The following TLDC2 variants were observed in gnomAD, a reference collection of about 807,000 sequenced individuals.
TLDC2 encodes TLD domain-containing protein 2.
TLDC2 carries 23 observed loss-of-function variants against 27.9 expected under a neutral mutation model. The observed-to-expected ratio is 0.82, with a 90% confidence interval of 0.59 to 1.17. The LOEUF is 1.17. TLDC2 is among the 50% of genes most tolerant of loss of function. The pLI, the probability that TLDC2 is intolerant of heterozygous loss-of-function variation, is 0.00. For missense variants in TLDC2, 286 were observed against 273.4 expected (o/e 1.05, Z -0.32); for synonymous variants, 124 against 107.4 (o/e 1.16, Z -0.96).
chr20:36,877,386 AAAAAAAAAAAGG>A (rs957913914), intron 1 of TLDC2, among the ~76,000 whole-genome samples: 1 of 151,644 alleles, frequency 6.6e-6, no homozygotes, highest in Non-Finnish European at 1.5e-5. Flanking sequence ...GTCTCAAAAA[AAAAAAAAAAAGG>A]AAAAAGAAAA....
chr20:36,894,128 T>C lies in TLDC2; in HGVS notation c.*1284T>C. On this transcript the variant is annotated 3_prime_UTR_variant, in exon 7 of 7. Transcript: ENST00000217320. ...GCTGTTGAATCACTGTCCTCTATGC[T>C]CATTTAGCTCTGCCAAAACTTTTGT... The C allele has an allele frequency of 5.1e-6, 2 of 395,366 alleles. No homozygotes were observed. Among genetic ancestry groups the C allele is most frequent in the Non-Finnish European group, 8.9e-6 (2 of 224,724 alleles). The allele number at this position is 395,366 out of a possible 1,614,324, so 24.5% of individuals were successfully genotyped here.
chr20:36,885,892 C>T (rs932999594), intron 4 of TLDC2, among the ~76,000 whole-genome samples: 1 of 152,070 alleles, frequency 6.6e-6, no homozygotes, highest in African/African-American at 2.4e-5. Context: ...AGGGCTACTT[C>T]AGATAGGGTG....
intron 6 of TLDC2, 127 bp downstream of exon 6, chr20:36,889,530 GGGA>G: frequency 8.3e-7 from 1 of 1,209,478 alleles, no homozygotes; most frequent in Non-Finnish European, 1.1e-6. Flanking sequence ...TTGTGGCCTG[GGGA>G]CCCAAGATAC....
intron 6 of TLDC2, chr20:36,892,026 G>C (rs1172075935): frequency 3.3e-5 from 5 of 152,326 alleles, no homozygotes; most frequent in African/African-American, 1.2e-4. Context: ...CCTCTGGACC[G>C]GGGGAGTGAG....
Position 36,893,366 on chromosome 20 carries a change from A to T in TLDC2, c.*522A>T. On this transcript the variant is annotated 3_prime_UTR_variant, in exon 7 of 7. Coordinates refer to ENST00000217320, the MANE Select transcript of TLDC2 (RefSeq NM_080628.3). ...CTTCACACACCTTCACGGAGCACAAACTCTGTCCTGTTTTCCCAGGAGAAA... is the reference window on the plus strand; with the variant it reads ...CTTCACACACCTTCACGGAGCACAATCTCTGTCCTGTTTTCCCAGGAGAAA... 1 of 446,440 alleles carries T rather than the reference A, an allele frequency of 2.2e-6. No individual in the cohort carries two copies. The highest frequency in any genetic ancestry group is 4.1e-6 in the Non-Finnish European group (1 of 245,436). The allele number at this position is 446,440 out of a possible 1,614,324, so 27.7% of individuals were successfully genotyped here. A position where few individuals can be genotyped will look rare whatever the true frequency, so the allele number is the denominator to read the frequency against.
intron 6 of TLDC2, 113 bp downstream of exon 6, chr20:36,889,516 C>A: frequency 7.6e-7 from 1 of 1,324,302 alleles, no homozygotes; most frequent in Non-Finnish European, 1.0e-6. Context: ...GCTGGCCAGC[C>A]TCCTTGTGGC....
intron 5 of TLDC2, among the ~76,000 whole-genome samples, chr20:36,887,999 G>T (rs974120439): frequency 6.6e-6 from 1 of 152,134 alleles, no homozygotes; most frequent in Non-Finnish European, 1.5e-5. Flanking sequence ...GGGCGGGGAT[G>T]AGAGCATTGC....
chr20:36,883,732 A>G (rs748289243), intron 4 of TLDC2, among the ~76,000 whole-genome samples: 5 of 152,108 alleles, frequency 3.3e-5, no homozygotes, highest in Non-Finnish European at 7.4e-5. Flanking sequence ...TGTCCCTGCT[A>G]TCACCTCCTA....
intron 4 of TLDC2, among the ~76,000 whole-genome samples, chr20:36,884,074 ACAGAGTGAGACT>A (rs1278530210): frequency 6.6e-6 from 1 of 152,070 alleles, no homozygotes; most frequent in Non-Finnish European, 1.5e-5. Context: ...AGCCAGGGTG[ACAGAGTGAGACT>A]CTGTCTTAAA....
chr20:36,883,511 C>T (rs1989858518), intron 4 of TLDC2, among the ~76,000 whole-genome samples: 2 of 152,156 alleles, frequency 1.3e-5, no homozygotes, highest in African/African-American at 2.4e-5. Context: ...CCTCCTCCTG[C>T]TATCTTCCCC....
At chr20:36,881,821 G>A (rs1028969648) in intron 4 of TLDC2, among the ~76,000 whole-genome samples, 45 of 152,346 alleles carry the variant, frequency 3.0e-4, no homozygotes, top group Middle Eastern at 6.8e-3. Flanking sequence ...AGCAGTGACA[G>A]CAGTTGGACA....
chr20:36,880,514 G>A, intron 3 of TLDC2, 141 bp from the exon 4 acceptor site: 2 of 636,056 alleles, frequency 3.1e-6, no homozygotes, highest in Non-Finnish European at 5.5e-6. Context: ...GCTCTTGGGT[G>A]TGGAGCCCCC....
intron 4 of TLDC2, among the ~76,000 whole-genome samples, chr20:36,886,971 A>G (rs1456963945): frequency 2.6e-5 from 4 of 152,114 alleles, no homozygotes; most frequent in Non-Finnish European, 5.9e-5. Flanking sequence ...GTGGATGCAG[A>G]GGGACCAGCT....
chr20:36,879,071 G>C lies in TLDC2; in HGVS notation c.220G>C (p.Gly74Arg), dbSNP rs763695861. Residue 74 changes from glycine (G) to arginine (R), a missense_variant, in exon 3 of 7, where the codon GGC (glycine) becomes CGC (arginine). Coordinates refer to ENST00000217320, the MANE Select transcript of TLDC2 (RefSeq NM_080628.3). ...CTTTCACTTCCCACCAAGAGTCACC[G>C]GCCATCCCTGGAGTCTGGTCTTCTG... Reference protein sequence around the residue: ...LSFHFPPRVTGHPWSLVFCTS... With the variant: ...LSFHFPPRVTRHPWSLVFCTS... The C allele has an allele frequency of 5.0e-6, 8 of 1,614,138 alleles. No individual in the cohort carries two copies. The highest frequency in any genetic ancestry group is 3.4e-6 in the Non-Finnish European group (4 of 1,180,012).
Position 36,893,350 on chromosome 20 carries a change from CCTT to C in TLDC2, c.*508_*510del. The C allele has an allele frequency of 2.0e-6, 1 of 493,356 alleles. No homozygotes were observed. The highest frequency in any genetic ancestry group is 3.8e-5 in the East Asian group (1 of 26,164). 30.6% of individuals were successfully genotyped at this position (493,356 alleles called of 1,614,324 possible). A position where few individuals can be genotyped will look rare whatever the true frequency, so the allele number is the denominator to read the frequency against. ...CCACCTCTATGGCCTCCTTCACACA[CCTT>C]CACGGAGCACAAACTCTGTCCTGTT... On this transcript the variant is annotated 3_prime_UTR_variant, in exon 7 of 7. Transcript: ENST00000217320.
chr20:36,887,734 C>A (rs1051447434), intron 5 of TLDC2, among the ~76,000 whole-genome samples: 1 of 152,140 alleles, frequency 6.6e-6, no homozygotes, highest in East Asian at 1.9e-4. Flanking sequence ...CATGAGTGCC[C>A]CCACTGAAGT....
rs376783054 is a variant in TLDC2 at position 36,887,451 on chromosome 20, C to T, written c.439-4C>T. 35 of 1,613,420 alleles carry T rather than the reference C, an allele frequency of 2.2e-5. No individual in the cohort carries two copies. The highest frequency in any genetic ancestry group is 1.6e-4 in the Middle Eastern group (1 of 6,082). On this transcript the variant is annotated splice_region_variant and splice_polypyrimidine_tract_variant and intron_variant, in intron 4 of 6. Transcript: ENST00000217320. ...ACCTGAGCCTTTCCCTATGTATCAC[C>T]CAGGTCTTTAAGTGGACTGGAAGCA... is the stretch of plus-strand genomic sequence containing the variant.
chr20:36,881,758 C>T (rs1989821427), intron 4 of TLDC2, among the ~76,000 whole-genome samples: 1 of 152,148 alleles, frequency 6.6e-6, no homozygotes, highest in African/African-American at 2.4e-5. Context: ...CTGGGGGACA[C>T]CAAGGCAAAG....
In TLDC2 at chr20:36,880,662, G is replaced by A. The variant is rs750720332; in HGVS notation, c.350G>A (p.Gly117Glu). Reference protein sequence around the residue: ...VLRDQDGQIFGAFSSSAIRLS... With the variant: ...VLRDQDGQIFEAFSSSAIRLS... ...ACAACTTCCACTTTCCAGATATTTG[G>A]AGCCTTCTCCTCCTCGGCTATCCGA... Residue 117 changes from glycine to glutamate, a missense_variant, in exon 4 of 7, where the codon GGA becomes GAA. By Grantham distance (98) the Gly-to-Glu change is moderately conservative. Transcript: ENST00000217320. 9.9e-6 allele frequency: 16 copies of A among 1,614,084 alleles called. No homozygotes were observed. The highest frequency in any genetic ancestry group is 1.4e-5 in the Non-Finnish European group (16 of 1,179,934).
Sources: allele counts gnomAD v4.1 joint callset (sites outside exome capture counted in the v4.1 genomes callset), GRCh38; gene constraint gnomAD v4.1.1; transcripts MANE v1.5; gene names NCBI Gene and HGNC (gene_info 2026-07-23, HGNC 2026-07-21).